Variants in MTUS1 observed in about 807,000 individuals in gnomAD.
MTUS1 encodes the protein microtubule-associated tumor suppressor 1.
MTUS1 carries 109 observed loss-of-function variants against 120.8 expected under a neutral mutation model. That is an observed-to-expected ratio of 0.90 (90% CI 0.77 to 1.06). The LOEUF (loss-of-function observed/expected upper bound fraction) is 1.06. MTUS1 is among the 50% of genes least tolerant of loss of function. The probability of loss-of-function intolerance (pLI) is 0.00; values close to 1 mark genes in which losing one functional copy is unlikely to be tolerated. For missense variants in MTUS1, 2,210 were observed against 1,486.3 expected, an observed-to-expected ratio of 1.49 and a Z score of -8.01; for synonymous variants, 737 against 550.5, an observed-to-expected ratio of 1.34 and a Z score of -4.74.
At chr8:17,728,925 G>A (rs2046388568) in intron 3 of MTUS1, among the ~76,000 whole-genome samples, 1 of 152,160 alleles carries the variant, frequency 6.6e-6, no homozygotes, top group Non-Finnish European at 1.5e-5. Flanking sequence ...GGTTAGAGAA[G>A]TGAGAATTTT....
In MTUS1 at chr8:17,645,397, GATTGATT is replaced by G. The variant is rs1805576043; in HGVS notation, c.*522_*528del. The G allele has an allele frequency of 6.5e-6, 1 of 153,078 alleles. No individual in the cohort carries two copies. The highest frequency in any genetic ancestry group is 1.9e-4 in the East Asian group (1 of 5,182). 9.5% of individuals were successfully genotyped at this position (153,078 alleles called of 1,614,324 possible). A position where few individuals can be genotyped will look rare whatever the true frequency, so the allele number is the denominator to read the frequency against. On this transcript the variant is annotated 3_prime_UTR_variant, in exon 15 of 15. Coordinates refer to ENST00000693296, the MANE Select transcript of MTUS1 (RefSeq NM_001363059.2). ...TTTGGCTGAAATGTATATGCTGATTGATTGATTATTATTTGATTAGTACATATCCAGA... is the reference window on the plus strand; with the variant it reads ...TTTGGCTGAAATGTATATGCTGATTGATTATTTGATTAGTACATATCCAGA...
At chr8:17,785,604 T>C (rs1205566032) in intron 1 of MTUS1, among the ~76,000 whole-genome samples, 1 of 152,222 alleles carries the variant, frequency 6.6e-6, no homozygotes, top group African/African-American at 2.4e-5. Context: ...AACATTCCTT[T>C]AGTTTACGTA....
chr8:17,704,885 T>C (rs183676907), intron 6 of MTUS1, among the ~76,000 whole-genome samples: 296 of 152,020 alleles, frequency 1.9e-3, no homozygotes, highest in Non-Finnish European at 3.3e-3. Flanking sequence ...ATTATAGAGT[T>C]GTCTTTATCT....
At chr8:17,666,392 T>TG (rs1810918973) in intron 8 of MTUS1, among the ~76,000 whole-genome samples, 2 of 152,154 alleles carry the variant, frequency 1.3e-5, no homozygotes, top group African/African-American at 4.8e-5. Flanking sequence ...TAAAAGTCCT[T>TG]GGCATGTGTA....
chr8:17,763,448 C>T (rs1256858851), intron 1 of MTUS1, among the ~76,000 whole-genome samples: 2 of 152,192 alleles, frequency 1.3e-5, no homozygotes, highest in Non-Finnish European at 2.9e-5. Context: ...ATTCCTTCCA[C>T]GTGGAGGGAG....
chr8:17,770,989 A>G (rs1563364513), intron 1 of MTUS1, among the ~76,000 whole-genome samples: 1 of 152,186 alleles, frequency 6.6e-6, no homozygotes, highest in South Asian at 2.1e-4. Context: ...ATAATGAAAA[A>G]GAAAAAAAGT....
At chr8:17,790,272 C>T (rs556561543) in intron 1 of MTUS1, among the ~76,000 whole-genome samples, 3 of 151,438 alleles carry the variant, frequency 2.0e-5, no homozygotes, top group South Asian at 4.2e-4. Context: ...TGCTTGAACC[C>T]GGGAGGCAGA....
chr8:17,705,189 G>C (rs180926969), intron 6 of MTUS1, among the ~76,000 whole-genome samples: 1 of 152,192 alleles, frequency 6.6e-6, no homozygotes, highest in East Asian at 1.9e-4. Flanking sequence ...TCAGTACGTT[G>C]CCCAAGCTGG....
At chr8:17,737,720 C>G (rs1279698088) in intron 3 of MTUS1, among the ~76,000 whole-genome samples, 1 of 152,130 alleles carries the variant, frequency 6.6e-6, no homozygotes, top group African/African-American at 2.4e-5. Context: ...CTCTTGGGCT[C>G]AAGTAATCCT....
chr8:17,658,070 C>G (rs1431021289), intron 8 of MTUS1, among the ~76,000 whole-genome samples: 2 of 146,862 alleles, frequency 1.4e-5, no homozygotes, highest in Non-Finnish European at 3.0e-5. Flanking sequence ...CAGAGTCTTG[C>G]TGTATTGCCC....
intron 7 of MTUS1, 138 bp from the exon 8 acceptor site, chr8:17,675,390 T>G: frequency 1.1e-5 from 7 of 661,588 alleles, no homozygotes; most frequent in Non-Finnish European, 7.5e-6. Context: ...CAATTTGTGT[T>G]GTTAAAAGAA....
At position 17,801,045 on chromosome 8, in the gene MTUS1, T is replaced by G. The variant is rs2052644408; in HGVS notation, c.-155+16A>C. The G allele has an allele frequency of 6.6e-6, 1 of 152,150 alleles. No individual in the cohort carries two copies. The highest frequency in any genetic ancestry group is 1.5e-5 in the Non-Finnish European group (1 of 68,174). 9.4% of individuals were successfully genotyped at this position (152,150 alleles called of 1,614,324 possible). On this transcript the variant is annotated intron_variant, in intron 1 of 14. Transcript: ENST00000693296. Reference sequence around the variant, plus strand: ...CGGCCGCCGGGCAGCGGGAACAGATTCCAGCGCGCACTTACCCGCAGCTCC... The same window carrying G: ...CGGCCGCCGGGCAGCGGGAACAGATGCCAGCGCGCACTTACCCGCAGCTCC...
chr8:17,739,025 A>G (rs2047124263), intron 3 of MTUS1, among the ~76,000 whole-genome samples: 1 of 151,908 alleles, frequency 6.6e-6, no homozygotes, highest in Admixed American at 6.6e-5. Flanking sequence ...CATCTGTGAT[A>G]CCAGGTACAT....
chr8:17,756,380 A>G (rs2048610933), intron 1 of MTUS1, among the ~76,000 whole-genome samples: 1 of 152,142 alleles, frequency 6.6e-6, no homozygotes, highest in Non-Finnish European at 1.5e-5. Flanking sequence ...ATTAGTAAAC[A>G]TGTCCCTTTC....
chr8:17,787,096 C>G lies in MTUS1; in HGVS notation c.-155+13965G>C, dbSNP rs142744035. 3.3e-4 allele frequency among the ~76,000 whole-genome samples: 50 copies of G among 152,292 alleles called. No individual in the cohort carries two copies. The East Asian group carries it at 9.3e-3, about 28-fold the overall frequency. ...GGTGAGAGAAAGCGCTGTGTAAACA[C>G]AGTGTTTGGCAAATCCAAGGACTGC... On this transcript the variant is annotated intron_variant, in intron 1 of 14. Transcript: ENST00000693296.
rs187381834 is a variant in MTUS1, at chr8:17,705,345, T to C, written c.2623+7869A>G. Among the ~76,000 whole-genome samples the C allele has an allele frequency of 9.1e-4, 139 of 152,336 alleles. 1 individual carries two copies. The highest frequency in any genetic ancestry group is 3.1e-3 in the African/African-American group (130 of 41,582). On this transcript the variant is annotated intron_variant, in intron 6 of 14. Transcript: ENST00000693296. ...TTATTAATCGTTTCTATTATACTAG[T>C]GTTCCTGGAAAGATCTTTTCTACTT...
chr8:17,797,445 GT>G (rs1439099377), intron 1 of MTUS1, among the ~76,000 whole-genome samples: 1 of 44,520 alleles, frequency 2.2e-5, no homozygotes, highest in Non-Finnish European at 5.9e-5. Context: ...AAAATAAAAA[GT>G]TAGAAGAAAT....
intron 2 of MTUS1, among the ~76,000 whole-genome samples, chr8:17,748,524 T>G (rs183476844): frequency 6.6e-6 from 1 of 152,270 alleles, no homozygotes; most frequent in South Asian, 2.1e-4. Context: ...AAGGGCCCAC[T>G]GAGCTGATGA....
intron 7 of MTUS1, among the ~76,000 whole-genome samples, chr8:17,678,523 C>T (rs150739678): frequency 0.021 from 3,233 of 152,210 alleles, 62 homozygotes; most frequent in African/African-American, 0.043. Flanking sequence ...ATCGGTGTGC[C>T]TGCATTTTTG....
Sources: allele counts gnomAD v4.1 joint callset (sites outside exome capture counted in the v4.1 genomes callset), GRCh38; gene constraint gnomAD v4.1.1; transcripts MANE v1.5; gene names NCBI Gene and HGNC (gene_info 2026-07-23, HGNC 2026-07-21).